ASIC2: variants seen among roughly 807,000 people sequenced by gnomAD.
ASIC2 encodes acid-sensing ion channel 2.
In ASIC2, 25 loss-of-function variants were observed where a neutral mutation model predicts 57.3. The observed-to-expected ratio is 0.44, with a 90% confidence interval of 0.32 to 0.61. The LOEUF (loss-of-function observed/expected upper bound fraction) is 0.61, where lower values mean the gene tolerates loss of function less well. ASIC2 is among the 20% of genes least tolerant of loss of function. The pLI is 0.06. For synonymous variants in ASIC2, 319 were observed against 307.5 expected, an observed-to-expected ratio of 1.04 and a Z score of -0.39; for missense variants, 641 against 738.1, an observed-to-expected ratio of 0.87 and a Z score of 1.52.
intron 1 of ASIC2, among the ~76,000 whole-genome samples, chr17:33,416,510 C>T (rs970088774): frequency 1.2e-4 from 19 of 152,176 alleles, no homozygotes; most frequent in African/African-American, 4.6e-4. Context: ...AGGGCAGTCC[C>T]TGATAGGAGT....
At chr17:33,215,926 C>G (rs1254874584) in intron 1 of ASIC2, among the ~76,000 whole-genome samples, 2 of 152,118 alleles carry the variant, frequency 1.3e-5, no homozygotes, top group African/African-American at 4.8e-5. Flanking sequence ...GTCTTGATCT[C>G]CTGACCTCGT....
chr17:33,504,802 G>A (rs969782982), intron 1 of ASIC2, among the ~76,000 whole-genome samples: 25 of 152,176 alleles, frequency 1.6e-4, no homozygotes, highest in Non-Finnish European at 1.0e-4. Flanking sequence ...CCTGGGCTCA[G>A]TATGTAGAAC....
chr17:33,512,438 A>T, intron 1 of ASIC2, among the ~76,000 whole-genome samples: 1 of 152,230 alleles, frequency 6.6e-6, no homozygotes, highest in East Asian at 1.9e-4. Flanking sequence ...TAGAAACTTA[A>T]GACTGAGAGG....
chr17:33,506,354 A>C (rs1914259907), intron 1 of ASIC2, among the ~76,000 whole-genome samples: 1 of 151,560 alleles, frequency 6.6e-6, no homozygotes, highest in Admixed American at 6.6e-5. Flanking sequence ...CGGAGCTTGC[A>C]GCGAGCCAAG....
chr17:33,795,869 C>A (rs896711724), intron 1 of ASIC2, among the ~76,000 whole-genome samples: 2 of 152,184 alleles, frequency 1.3e-5, no homozygotes, highest in Non-Finnish European at 1.5e-5. Context: ...ATCCAGGTAG[C>A]TGGAAGACCA....
At chr17:34,091,122 C>A (rs1910314957) in intron 1 of ASIC2, among the ~76,000 whole-genome samples, 1 of 152,244 alleles carries the variant, frequency 6.6e-6, no homozygotes, top group Admixed American at 6.5e-5. Flanking sequence ...GAGATACCAA[C>A]TCCAGTCCCT....
At chr17:33,521,227 C>T (rs1210137437) in intron 1 of ASIC2, among the ~76,000 whole-genome samples, 1 of 152,102 alleles carries the variant, frequency 6.6e-6, no homozygotes, top group East Asian at 1.9e-4. Flanking sequence ...GCTGGGTAAG[C>T]AGGGGCTCAA....
chr17:33,681,321 G>A (rs1319894337), intron 1 of ASIC2, among the ~76,000 whole-genome samples: 1 of 152,162 alleles, frequency 6.6e-6, no homozygotes, highest in Non-Finnish European at 1.5e-5. Context: ...GGGCTGTTCT[G>A]TGTATTATAG....
At chr17:33,067,635 G>T (rs1367228834) in intron 3 of ASIC2, among the ~76,000 whole-genome samples, 1 of 152,292 alleles carries the variant, frequency 6.6e-6, no homozygotes, top group Admixed American at 6.5e-5. Context: ...GAGCCACCAA[G>T]GGTGTCTAAG....
intron 1 of ASIC2, among the ~76,000 whole-genome samples, chr17:33,904,163 CAAAAAA>C (rs769795292): frequency 5.4e-5 from 3 of 55,860 alleles, no homozygotes; most frequent in East Asian, 6.6e-4. Flanking sequence ...AACTCCGTCT[CAAAAAA>C]AAAAAAAAAA....
intron 1 of ASIC2, among the ~76,000 whole-genome samples, chr17:33,775,922 C>A (rs1911259209): frequency 6.6e-6 from 1 of 152,084 alleles, no homozygotes; most frequent in Non-Finnish European, 1.5e-5. Context: ...CACCTGAGGT[C>A]AGGAGTTCGA....
chr17:34,155,120 T>A (rs1315389041), intron 1 of ASIC2, among the ~76,000 whole-genome samples: 1 of 149,666 alleles, frequency 6.7e-6, no homozygotes, highest in Non-Finnish European at 1.5e-5. Context: ...GTTCGCCCCC[T>A]CCCTGCACCC....
chr17:33,815,235 T>C (rs1274344728), intron 1 of ASIC2, among the ~76,000 whole-genome samples: 1 of 152,198 alleles, frequency 6.6e-6, no homozygotes, highest in African/African-American at 2.4e-5. Flanking sequence ...GCTCCGTATC[T>C]GCCCAGCTCC....
intron 1 of ASIC2, among the ~76,000 whole-genome samples, chr17:33,299,185 A>G (rs1474834336): frequency 2.6e-5 from 4 of 152,218 alleles, no homozygotes; most frequent in Non-Finnish European, 5.9e-5. Context: ...CTGACTTCAA[A>G]CTATACTACA....
In ASIC2 at chr17:33,078,541, CT is replaced by C. The variant is rs1325845678; in HGVS notation, c.987+10321del. On this transcript the variant is annotated intron_variant, in intron 3 of 9. Transcript: ENST00000225823. ...CCATCTAAGAACTGTAAGACCTAAT[CT>C]TTTCCCGTAAGAGTTTACAGTATAC... is the stretch of plus-strand genomic sequence containing the variant. Among the ~76,000 whole-genome samples, 5 of 152,314 alleles carry C rather than the reference CT, an allele frequency of 3.3e-5. No individual in the cohort carries two copies. In the East Asian group the frequency reaches 7.7e-4, roughly 24 times the overall value.
intron 1 of ASIC2, among the ~76,000 whole-genome samples, chr17:33,914,965 A>T (rs530527394): frequency 6.6e-6 from 1 of 152,246 alleles, no homozygotes; most frequent in East Asian, 1.9e-4. Context: ...TCATGTTTAG[A>T]ACTCTTCATA....
chr17:33,256,422 G>T (rs1909074045), intron 1 of ASIC2, among the ~76,000 whole-genome samples: 1 of 152,170 alleles, frequency 6.6e-6, no homozygotes, highest in South Asian at 2.1e-4. Flanking sequence ...GAGTGCTGGG[G>T]TCTTTTTATT....
At chr17:33,517,414 C>T (rs1048500166) in intron 1 of ASIC2, among the ~76,000 whole-genome samples, 9 of 152,218 alleles carry the variant, frequency 5.9e-5, no homozygotes, top group Admixed American at 2.6e-4. Context: ...TGGCATCTGG[C>T]CTTTTGCTGC....
At chr17:33,531,825 G>A (rs184697992) in intron 1 of ASIC2, among the ~76,000 whole-genome samples, 68 of 152,182 alleles carry the variant, frequency 4.5e-4, no homozygotes, top group Admixed American at 1.2e-3. Flanking sequence ...GTTGGGAAGC[G>A]TTTCCCTGAC....
Sources: allele counts gnomAD v4.1 joint callset (sites outside exome capture counted in the v4.1 genomes callset), GRCh38; gene constraint gnomAD v4.1.1; transcripts MANE v1.5; gene names NCBI Gene and HGNC (gene_info 2026-07-23, HGNC 2026-07-21).